The following CLSTN2 variants were observed in gnomAD, a reference collection of about 807,000 sequenced individuals.
CLSTN2 encodes the protein calsyntenin 2.
CLSTN2 carries 48 observed loss-of-function variants against 101.2 expected under a neutral mutation model. The observed-to-expected ratio is 0.47, with a 90% CI of 0.38 to 0.60. The LOEUF (loss-of-function observed/expected upper bound fraction) is 0.60, where lower values mean the gene tolerates loss of function less well. Ranked by LOEUF, CLSTN2 falls within the 20% of genes least tolerant of loss-of-function variation. CLSTN2 has a pLI of 0.00. For synonymous variants in CLSTN2, 481 were observed against 463.6 expected (o/e 1.04, Z -0.48); for missense variants, 1,160 against 1,238.2 (o/e 0.94, Z 0.95).
intron 1 of CLSTN2, among the ~76,000 whole-genome samples, chr3:139,981,803 G>C (rs1271398154): frequency 3.9e-5 from 6 of 152,230 alleles, no homozygotes. Flanking sequence ...TGCCCTGAGA[G>C]CCTCTATCTC....
chr3:139,938,118 C>T (rs892540436), intron 1 of CLSTN2, among the ~76,000 whole-genome samples: 2 of 138,596 alleles, frequency 1.4e-5, no homozygotes, highest in Admixed American at 1.5e-4. Context: ...TTTTAAGGTT[C>T]ATACCATTGT....
chr3:140,058,274 A>G (rs375087004), intron 1 of CLSTN2, among the ~76,000 whole-genome samples: 1 of 152,136 alleles, frequency 6.6e-6, no homozygotes, highest in Admixed American at 6.6e-5. Flanking sequence ...CTGTGTGGGT[A>G]GCTGTGGGTG....
At chr3:140,240,671 T>C (rs1219274964) in intron 2 of CLSTN2, among the ~76,000 whole-genome samples, 1 of 152,168 alleles carries the variant, frequency 6.6e-6, no homozygotes, top group Admixed American at 6.5e-5. Flanking sequence ...GTGAGGACTT[T>C]GCTGAAGCTA....
At chr3:140,150,136 C>T (rs1161895755) in intron 1 of CLSTN2, among the ~76,000 whole-genome samples, 2 of 152,192 alleles carry the variant, frequency 1.3e-5, no homozygotes, top group Non-Finnish European at 2.9e-5. Flanking sequence ...CTACTACTTC[C>T]TTTTGTCATC....
At chr3:140,001,957 TC>T (rs2006850520) in intron 1 of CLSTN2, among the ~76,000 whole-genome samples, 1 of 152,216 alleles carries the variant, frequency 6.6e-6, no homozygotes, top group Non-Finnish European at 1.5e-5. Context: ...AGGATCTCAT[TC>T]TTTTTTATGG....
intron 1 of CLSTN2, among the ~76,000 whole-genome samples, chr3:140,073,431 C>T (rs1381151856): frequency 1.3e-5 from 2 of 152,226 alleles, no homozygotes; most frequent in African/African-American, 4.8e-5. Flanking sequence ...TGCTGCCTCA[C>T]CAGCTGACTA....
chr3:140,251,584 G>GTTCCTTTCCTTTCCTTTCCTTTTCT (rs2086563992), intron 2 of CLSTN2, among the ~76,000 whole-genome samples: 2 of 117,486 alleles, frequency 1.7e-5, no homozygotes, highest in South Asian at 6.4e-4. Flanking sequence ...CTTAGCTTCC[G>GTTCCTTTCCTTTCCTTTCCTTTTCT]TTCCTTTCCT....
chr3:140,090,353 A>G (rs1395539674), intron 1 of CLSTN2, among the ~76,000 whole-genome samples: 1 of 152,094 alleles, frequency 6.6e-6, no homozygotes, highest in African/African-American at 2.4e-5. Context: ...ATACTTGTCC[A>G]AGATGGCAAT....
intron 1 of CLSTN2, among the ~76,000 whole-genome samples, chr3:140,120,367 G>A (rs566501547): frequency 6.6e-6 from 1 of 152,310 alleles, no homozygotes; most frequent in South Asian, 2.1e-4. Flanking sequence ...GAGGTATGGG[G>A]AAAGGCACAG....
At chr3:140,360,274 C>T (rs1392073662) in intron 2 of CLSTN2, among the ~76,000 whole-genome samples, 1 of 152,152 alleles carries the variant, frequency 6.6e-6, no homozygotes, top group Non-Finnish European at 1.5e-5. Context: ...AGGGTGGCCT[C>T]TGTTTTCATG....
intron 1 of CLSTN2, among the ~76,000 whole-genome samples, chr3:139,978,206 CT>C (rs1292060808): frequency 6.6e-6 from 1 of 152,188 alleles, no homozygotes; most frequent in Non-Finnish European, 1.5e-5. Flanking sequence ...AACCAAGTAT[CT>C]GTTATTGCCA....
At chr3:140,133,682 G>A (rs2107805253) in intron 1 of CLSTN2, among the ~76,000 whole-genome samples, 1 of 152,308 alleles carries the variant, frequency 6.6e-6, no homozygotes, top group Middle Eastern at 3.4e-3. Flanking sequence ...TAGTGTTGTT[G>A]GGAGGTCAAC....
chr3:139,988,267 A>G (rs1012638927), intron 1 of CLSTN2, among the ~76,000 whole-genome samples: 2 of 152,174 alleles, frequency 1.3e-5, no homozygotes, highest in Non-Finnish European at 2.9e-5. Context: ...TTCCCTTTAA[A>G]TTTCATACAT....
At chr3:140,150,292 AT>A (rs1482636679) in intron 1 of CLSTN2, among the ~76,000 whole-genome samples, 2 of 152,222 alleles carry the variant, frequency 1.3e-5, no homozygotes, top group Non-Finnish European at 1.5e-5. Context: ...GGAATCAGAA[AT>A]GAGTTCAAAT....
chr3:140,078,763 C>T (rs1386897530), intron 1 of CLSTN2, among the ~76,000 whole-genome samples: 1 of 152,138 alleles, frequency 6.6e-6, no homozygotes, highest in Non-Finnish European at 1.5e-5. Flanking sequence ...TCGTTTATTT[C>T]TGGGATGGCT....
chr3:140,553,406 G>A lies in CLSTN2; in HGVS notation c.1675-3107G>A, dbSNP rs555504983. On this transcript the variant is annotated intron_variant, in intron 10 of 16. Coordinates refer to ENST00000458420, the MANE Select transcript of CLSTN2 (RefSeq NM_022131.3). ...TTAAATGAGGAAATGAAGTCTAAGA[G>A]GGAAAAGGAAATACTCCAAAGTTGC... is the stretch of plus-strand genomic sequence containing the variant. 6.6e-5 allele frequency among the ~76,000 whole-genome samples: 10 copies of A among 152,274 alleles called. No homozygotes were observed. The South Asian group carries it at 2.1e-3, about 32-fold the overall frequency.
intron 1 of CLSTN2, among the ~76,000 whole-genome samples, chr3:139,986,487 T>C (rs916827865): frequency 6.6e-6 from 1 of 152,162 alleles, no homozygotes; most frequent in African/African-American, 2.4e-5. Flanking sequence ...CCTGGAATAC[T>C]ATAGGGAGGG....
intron 2 of CLSTN2, among the ~76,000 whole-genome samples, chr3:140,214,153 A>G (rs559554772): frequency 6.6e-6 from 1 of 152,144 alleles, no homozygotes; most frequent in Non-Finnish European, 1.5e-5. Flanking sequence ...TATAAAAAAA[A>G]AATAGGCTAG....
At chr3:140,486,959 G>A (rs978502031) in intron 8 of CLSTN2, among the ~76,000 whole-genome samples, 1 of 152,222 alleles carries the variant, frequency 6.6e-6, no homozygotes, top group East Asian at 1.9e-4. Context: ...GGCATTTGGA[G>A]AATGACTTAG....
Sources: allele counts gnomAD v4.1 joint callset (sites outside exome capture counted in the v4.1 genomes callset), GRCh38; gene constraint gnomAD v4.1.1; transcripts MANE v1.5; gene names NCBI Gene and HGNC (gene_info 2026-07-23, HGNC 2026-07-21).